CENPT: variants seen among roughly 807,000 people sequenced by gnomAD.
The protein encoded by CENPT is interphase centromere complex protein 22.
A neutral mutation model predicts 59.7 loss-of-function variants in CENPT; 42 were observed. The observed-to-expected ratio is 0.70, with a 90% CI of 0.55 to 0.91. CENPT has a LOEUF of 0.91. Ranked by LOEUF, CENPT falls within the 40% of genes least tolerant of loss-of-function variation. The pLI is 0.00. For synonymous variants in CENPT, 295 were observed against 289.6 expected (o/e 1.02, Z -0.19); for missense variants, 716 against 713.4 (o/e 1.00, Z -0.04).
Position 67,843,205 on chromosome 16 carries a change from G to A in CENPT, c.-492+4196C>T. ...CGGAGTTACAGGCTGCTACCGCAGGGCTGGAGGCTGCCGAGTGCCCTATGG... is the reference window on the plus strand; with the variant it reads ...CGGAGTTACAGGCTGCTACCGCAGGACTGGAGGCTGCCGAGTGCCCTATGG... On this transcript the variant is annotated intron_variant, in intron 1 of 15. Transcript: ENST00000562787. The surrounding 1 kb of genome is among the most constrained non-coding windows in gnomAD (Gnocchi z 5.7). The A allele has an allele frequency of 6.2e-7, 1 of 1,611,620 alleles. No homozygotes were observed. The highest frequency in any genetic ancestry group is 8.5e-7 in the Non-Finnish European group (1 of 1,179,716).
rs771235221 is a variant in CENPT, at chr16:67,833,815, C to T, written c.45G>A (p.Leu15=). ...CCGCTGTATCCAGCACGCGTCGCAG[C>T]AGCGTGCGCGGCGTGGAGTCGCTGT... ...NPDSDSTPRT[L]LRRVLDTADP... is the part of the protein sequence containing the mutation. The change falls in exon 4 of 16, where the codon CTG becomes CTA. Residue 15 remains leucine (L), a synonymous_variant. Transcript: ENST00000562787. 1 of 1,577,164 alleles carries T rather than the reference C, an allele frequency of 6.3e-7. No individual in the cohort carries two copies. The highest frequency in any genetic ancestry group is 8.6e-7 in the Non-Finnish European group (1 of 1,163,936).
intron 13 of CENPT, 23 bp downstream of exon 13, chr16:67,829,400 G>C: frequency 6.4e-7 from 1 of 1,563,746 alleles, no homozygotes; most frequent in Non-Finnish European, 8.7e-7. Context: ...AGGCCCATGA[G>C]GAATGGGGTT....
At chr16:67,832,622 G>C in intron 4 of CENPT, 77 bp from the exon 5 acceptor site, 1 of 1,335,206 alleles carries the variant, frequency 7.5e-7, no homozygotes, top group South Asian at 1.3e-5. Flanking sequence ...CTTCATCAGG[G>C]GTCTTGGTCT....
rs182098620 is a variant in CENPT, at chr16:67,840,302, A to G, written c.-491-4644T>C. Among the ~76,000 whole-genome samples the G allele has an allele frequency of 4.0e-3, 603 of 152,344 alleles. 1 individual carries two copies. Among genetic ancestry groups the G allele is most frequent in the African/African-American group, 0.014 (583 of 41,586 alleles). On this transcript the variant is annotated intron_variant, in intron 1 of 15. Transcript: ENST00000562787. ...CACTGCCCTCCAGCCTGGGCAACAG[A>G]GCGAGACTCCGTCTCAAAATAAAAA...
intron 1 of CENPT, among the ~76,000 whole-genome samples, chr16:67,839,381 C>CAAAAAAAAAAAAAAAAAAAACAAAAAA (rs533840724): frequency 1.8e-5 from 1 of 54,170 alleles, no homozygotes; most frequent in Non-Finnish European, 3.8e-5. Context: ...AACTCCACCT[C>CAAAAAAAAAAAAAAAAAAAACAAAAAA]AAAAAAAAAA....
rs746137742 is a variant in CENPT at position 67,833,825 on chromosome 16, G to T, written c.35C>A (p.Pro12Gln). The change falls in exon 4 of 16, where the codon CCG (proline) becomes CAG (glutamine). Residue 12 changes from proline (P) to glutamine (Q), a missense_variant. Transcript: ENST00000562787. ...CAGCACGCGTCGCAGCAGCGTGCGC[G>T]GCGTGGAGTCGCTGTCAGGGTTGTG... is the stretch of plus-strand genomic sequence containing the variant. ...ADHNPDSDST[P>Q]RTLLRRVLDT... 13 of 1,574,372 alleles carry T rather than the reference G, an allele frequency of 8.3e-6. No homozygotes were observed. In the East Asian group the frequency reaches 3.0e-4, roughly 36 times the overall value.
Position 67,833,880 on chromosome 16 carries a change from CT to C in CENPT, c.-22del. On this transcript the variant is annotated 5_prime_UTR_variant, in exon 4 of 16. Coordinates refer to ENST00000562787, the MANE Select transcript of CENPT (RefSeq NM_025082.4). Reference sequence around the variant, plus strand: ...GCCATCGTCTCGGCCCCGGGCCCTCCTAACCGCCCAGCCAGCTGCAGGCTCC... The same window carrying C: ...GCCATCGTCTCGGCCCCGGGCCCTCCAACCGCCCAGCCAGCTGCAGGCTCC... 1 of 1,458,308 alleles carries C rather than the reference CT, an allele frequency of 6.9e-7. No individual in the cohort carries two copies. The highest frequency in any genetic ancestry group is 9.1e-7 in the Non-Finnish European group (1 of 1,102,700). 90.3% of individuals were successfully genotyped at this position (1,458,308 alleles called of 1,614,324 possible).
chr16:67,845,274 T>C (rs2057789759), intron 1 of CENPT, among the ~76,000 whole-genome samples: 1 of 152,208 alleles, frequency 6.6e-6, no homozygotes, highest in Non-Finnish European at 1.5e-5. Context: ...TTCTCTTTCT[T>C]ACTTATGGAC....
chr16:67,842,923 G>GCAGCAGCAGCAGCAGCAGCAGCAGCAA lies in CENPT; in HGVS notation c.-492+4477_-492+4478insTTGCTGCTGCTGCTGCTGCTGCTGCTG. ...AGCAACAGCAGCAGCAGCAGCAACAGCAGCAGCAGCAGCAGCAGCAGCAGC... is the reference window on the plus strand; with the variant it reads ...AGCAACAGCAGCAGCAGCAGCAACAGCAGCAGCAGCAGCAGCAGCAGCAGCAACAGCAGCAGCAGCAGCAGCAGCAGC... On this transcript the variant is annotated intron_variant, in intron 1 of 15. Coordinates refer to ENST00000562787, the MANE Select transcript of CENPT (RefSeq NM_025082.4). The surrounding 1 kb of genome is among the most constrained non-coding windows in gnomAD (Gnocchi z 4.9). 4.3e-6 allele frequency: 3 copies of GCAGCAGCAGCAGCAGCAGCAGCAGCAA among 705,552 alleles called. No homozygotes were observed. The highest frequency in any genetic ancestry group is 5.3e-6 in the Non-Finnish European group (3 of 563,242). The allele number at this position is 705,552 out of a possible 1,614,324, so 43.7% of individuals were successfully genotyped here. A position where few individuals can be genotyped will look rare whatever the true frequency, so the allele number is the denominator to read the frequency against.
At position 67,830,000 on chromosome 16, in the gene CENPT, G is replaced by A; in HGVS notation, c.951C>T (p.Val317=). ...ALGFLSTSSG[V]SGEDEVEPLH... ...AGGGCTCTACTTCATCTTCTCCAGA[G>A]ACACCACTGCTGGTGCTCAGGAAGC... The change falls in exon 12 of 16, where the codon GTC becomes GTT. Residue 317 remains valine (V), a synonymous_variant. Coordinates refer to ENST00000562787, the MANE Select transcript of CENPT (RefSeq NM_025082.4). The A allele has an allele frequency of 6.2e-7, 1 of 1,614,200 alleles. No individual in the cohort carries two copies. The highest frequency in any genetic ancestry group is 1.3e-5 in the African/African-American group (1 of 75,046).
chr16:67,833,906 C>G lies in CENPT; in HGVS notation c.-47G>C. On this transcript the variant is annotated 5_prime_UTR_variant, in exon 4 of 16. Transcript: ENST00000562787. Reference sequence around the variant, plus strand: ...TAACCGCCCAGCCAGCTGCAGGCTCCGCCTTCCCGCCGCCACAGTTAATGT... The same window carrying G: ...TAACCGCCCAGCCAGCTGCAGGCTCGGCCTTCCCGCCGCCACAGTTAATGT... 8.1e-7 allele frequency: 1 copy of G among 1,229,198 alleles called. No individual in the cohort carries two copies. The highest frequency in any genetic ancestry group is 1.1e-6 in the Non-Finnish European group (1 of 918,994). 76.1% of individuals were successfully genotyped at this position (1,229,198 alleles called of 1,614,324 possible). A position where few individuals can be genotyped will look rare whatever the true frequency, so the allele number is the denominator to read the frequency against.
Position 67,833,914 on chromosome 16 carries a change from C to T in CENPT, c.-55G>A. 1 of 1,176,404 alleles carries T rather than the reference C, an allele frequency of 8.5e-7. No individual in the cohort carries two copies. Among genetic ancestry groups the T allele is most frequent in the Non-Finnish European group, 1.1e-6 (1 of 872,462 alleles). 72.9% of individuals were successfully genotyped at this position (1,176,404 alleles called of 1,614,324 possible). Reference sequence around the variant, plus strand: ...CAGCCAGCTGCAGGCTCCGCCTTCCCGCCGCCACAGTTAATGTAACTCTCG... The same window carrying T: ...CAGCCAGCTGCAGGCTCCGCCTTCCTGCCGCCACAGTTAATGTAACTCTCG... On this transcript the variant is annotated 5_prime_UTR_variant, in exon 4 of 16. Transcript: ENST00000562787.
intron 1 of CENPT, among the ~76,000 whole-genome samples, chr16:67,840,044 C>T (rs1483148377): frequency 6.6e-6 from 1 of 151,950 alleles, no homozygotes; most frequent in African/African-American, 2.4e-5. Context: ...AGGCCGGGCG[C>T]GGTGGCTCAC....
At chr16:67,832,628 G>C (rs767250130) in intron 4 of CENPT, 83 bp from the exon 5 acceptor site, 2 of 1,273,120 alleles carry the variant, frequency 1.6e-6, no homozygotes, top group African/African-American at 1.5e-5. Flanking sequence ...CAGGGGTCTT[G>C]GTCTGGAGCC....
At chr16:67,832,930 T>TC (rs1388964995) in intron 4 of CENPT, among the ~76,000 whole-genome samples, 1 of 152,154 alleles carries the variant, frequency 6.6e-6, no homozygotes, top group Non-Finnish European at 1.5e-5. Context: ...TATTTTAAAA[T>TC]CTTTTAAGAA....
rs2057768706 is a variant in CENPT at position 67,842,487 on chromosome 16, G to A, written c.-492+4914C>T. ...CGCCGCCCGTCGAGGGGCGGGCGGC[G>A]GCGTAGCCACTGGGCCGTCGAAGAG... On this transcript the variant is annotated intron_variant, in intron 1 of 15. Coordinates refer to ENST00000562787, the MANE Select transcript of CENPT (RefSeq NM_025082.4). This position sits in a 1 kb window ranked among gnomAD's most constrained non-coding sequence, Gnocchi z 4.9. 4 of 1,238,464 alleles carry A rather than the reference G, an allele frequency of 3.2e-6. No homozygotes were observed. The highest frequency in any genetic ancestry group is 5.7e-5 in the South Asian group (2 of 35,352). The allele number at this position is 1,238,464 out of a possible 1,614,324, so 76.7% of individuals were successfully genotyped here. A position where few individuals can be genotyped will look rare whatever the true frequency, so the allele number is the denominator to read the frequency against.
chr16:67,833,699 A>G (rs1234613325), intron 4 of CENPT, 51 bp downstream of exon 4: 1 of 1,163,976 alleles, frequency 8.6e-7, no homozygotes, highest in East Asian at 3.1e-5. Flanking sequence ...CCCAGACCCC[A>G]CTCCCCGGTC....
chr16:67,832,622 G>A (rs1247605198), intron 4 of CENPT, 77 bp from the exon 5 acceptor site: 6 of 1,335,088 alleles, frequency 4.5e-6, no homozygotes. Context: ...CTTCATCAGG[G>A]GTCTTGGTCT....
chr16:67,834,442 C>T (rs1210677797), intron 3 of CENPT, among the ~76,000 whole-genome samples: 3 of 151,874 alleles, frequency 2.0e-5, no homozygotes. Context: ...ACCCCTGCCC[C>T]CTGGTCTCTA....
Sources: gnomAD v4.1 joint callset for allele counts (sites outside exome capture counted in the v4.1 genomes callset) on GRCh38, gnomAD v4.1.1 for gene constraint, Gnocchi (gnomAD v3.1) non-coding constraint, MANE v1.5 for transcripts, NCBI Gene and HGNC (gene_info 2026-07-23, HGNC 2026-07-21) for gene names.